The following TLE1 variants were observed in gnomAD, a reference collection of about 807,000 sequenced individuals.
The protein encoded by TLE1 is TLE family member 1, transcriptional corepressor.
A neutral mutation model predicts 89.8 loss-of-function variants in TLE1; 21 were observed. The observed-to-expected ratio is 0.23, with a 90% CI of 0.17 to 0.34. The LOEUF is 0.34. Ranked by LOEUF, TLE1 falls within the 10% of genes least tolerant of loss-of-function variation. The pLI, the probability that TLE1 is intolerant of heterozygous loss-of-function variation, is 1.00. For missense variants in TLE1, 795 were observed against 1,031.2 expected, an observed-to-expected ratio of 0.77 and a Z score of 3.14; for synonymous variants, 447 against 407.6, an observed-to-expected ratio of 1.10 and a Z score of -1.16.
chr9:81,618,854 C>T (rs148585563), intron 9 of TLE1, among the ~76,000 whole-genome samples: 2 of 152,082 alleles, frequency 1.3e-5, no homozygotes. Flanking sequence ...TGTACCGGAC[C>T]CTTCTGCAAA....
chr9:81,661,109 T>A (rs1303970428), intron 4 of TLE1, among the ~76,000 whole-genome samples: 1 of 150,104 alleles, frequency 6.7e-6, no homozygotes, highest in East Asian at 2.0e-4. Flanking sequence ...CCTGGCAGAG[T>A]GAGACTCGGT....
intron 6 of TLE1, among the ~76,000 whole-genome samples, chr9:81,650,070 C>T (rs1023156955): frequency 3.9e-5 from 6 of 152,204 alleles, no homozygotes; most frequent in African/African-American, 1.4e-4. Context: ...CCTGATTCAC[C>T]ACTTTGGTTT....
intron 4 of TLE1, among the ~76,000 whole-genome samples, chr9:81,675,008 A>G (rs1044059232): frequency 4.6e-5 from 7 of 152,178 alleles, no homozygotes; most frequent in African/African-American, 1.7e-4. Flanking sequence ...AAATCAAAAA[A>G]TAAATTTTAA....
chr9:81,589,607 G>C (rs1829183213), intron 16 of TLE1, among the ~76,000 whole-genome samples: 1 of 152,136 alleles, frequency 6.6e-6, no homozygotes, highest in Non-Finnish European at 1.5e-5. Flanking sequence ...CTGACTGTGT[G>C]ACCTGAAGCC....
At chr9:81,588,445 C>G (rs1442107308) in intron 16 of TLE1, among the ~76,000 whole-genome samples, 1 of 152,144 alleles carries the variant, frequency 6.6e-6, no homozygotes, top group African/African-American at 2.4e-5. Flanking sequence ...CAAAGGGTCA[C>G]GCATGCCGGC....
chr9:81,647,978 A>C (rs1050776384), intron 6 of TLE1, among the ~76,000 whole-genome samples: 1 of 152,164 alleles, frequency 6.6e-6, no homozygotes, highest in East Asian at 1.9e-4. Context: ...TTAAAAAAAC[A>C]AGCATCTTTA....
At chr9:81,589,196 A>G (rs1208384236) in intron 16 of TLE1, among the ~76,000 whole-genome samples, 1 of 152,182 alleles carries the variant, frequency 6.6e-6, no homozygotes, top group African/African-American at 2.4e-5. Context: ...CTGGAAATCC[A>G]GTGACCCTCT....
chr9:81,613,655 G>A, intron 11 of TLE1, 134 bp from the exon 12 acceptor site: 2 of 1,003,258 alleles, frequency 2.0e-6, no homozygotes, highest in Non-Finnish European at 1.5e-6. Flanking sequence ...TCCACACAAT[G>A]TTGACAGCAT....
chr9:81,636,903 T>C (rs376990174), intron 6 of TLE1, among the ~76,000 whole-genome samples: 1 of 150,250 alleles, frequency 6.7e-6, no homozygotes, highest in East Asian at 2.0e-4. Context: ...CTGGGGAGGC[T>C]GAGGCAGGAG....
chr9:81,618,903 G>A (rs552314081), intron 9 of TLE1, among the ~76,000 whole-genome samples: 207 of 152,282 alleles, frequency 1.4e-3, no homozygotes, highest in Non-Finnish European at 2.1e-3. Flanking sequence ...TGTCATCAGT[G>A]ATCTAAGGTC....
intron 4 of TLE1, among the ~76,000 whole-genome samples, chr9:81,678,833 C>A (rs1262213071): frequency 6.6e-6 from 1 of 150,464 alleles, no homozygotes; most frequent in African/African-American, 2.5e-5. Flanking sequence ...GAGCAAGACT[C>A]CATCTCAAAG....
At position 81,688,358 on chromosome 9, in the gene TLE1, T is replaced by C. The variant is rs1378597130; in HGVS notation, c.-118A>G. The C allele has an allele frequency of 9.4e-6, 11 of 1,169,508 alleles. No homozygotes were observed. Among genetic ancestry groups the C allele is most frequent in the African/African-American group, 3.3e-5 (2 of 60,854 alleles). 72.4% of individuals were successfully genotyped at this position (1,169,508 alleles called of 1,614,324 possible). A position where few individuals can be genotyped will look rare whatever the true frequency, so the allele number is the denominator to read the frequency against. On this transcript the variant is annotated 5_prime_UTR_variant, in exon 1 of 20. Transcript: ENST00000376499. Reference sequence around the variant, plus strand: ...AGCCAAGCAGAAGCGGGGAGCGCGCTGGCCACGCACGCGCGCTCCGCCGGG... The same window carrying C: ...AGCCAAGCAGAAGCGGGGAGCGCGCCGGCCACGCACGCGCGCTCCGCCGGG...
At chr9:81,595,994 T>TA (rs1204421169) in intron 14 of TLE1, among the ~76,000 whole-genome samples, 1 of 152,090 alleles carries the variant, frequency 6.6e-6, no homozygotes, top group Non-Finnish European at 1.5e-5. Context: ...CGCCTCCAGG[T>TA]AAGGCCAGGT....
chr9:81,596,427 G>C (rs563929434), intron 14 of TLE1, among the ~76,000 whole-genome samples: 2 of 152,210 alleles, frequency 1.3e-5, no homozygotes, highest in South Asian at 4.1e-4. Flanking sequence ...GCCTTTAGGA[G>C]GGATCAACTG....
Position 81,653,957 on chromosome 9 carries a change from T to C in TLE1, c.297+17A>G. ...AGCAACATAATTGCACTTTAACAGC[T>C]GAACAATTTTACTTACTTCCTGAGA... On this transcript the variant is annotated intron_variant, in intron 5 of 19. Transcript: ENST00000376499. The C allele has an allele frequency of 6.2e-7, 1 of 1,612,876 alleles. No individual in the cohort carries two copies. Among genetic ancestry groups the C allele is most frequent in the Non-Finnish European group, 8.5e-7 (1 of 1,179,122 alleles).
At chr9:81,614,432 C>T (rs1399314318) in intron 11 of TLE1, among the ~76,000 whole-genome samples, 2 of 152,176 alleles carry the variant, frequency 1.3e-5, no homozygotes, top group Non-Finnish European at 2.9e-5. Flanking sequence ...AGGGGCCTTT[C>T]GGAGACCAGA....
Position 81,584,451 on chromosome 9 carries a change from G to A in TLE1, c.2202C>T (p.Phe734=), listed in dbSNP as rs1324349337. 1 of 1,614,104 alleles carries A rather than the reference G, an allele frequency of 6.2e-7. No homozygotes were observed. Among genetic ancestry groups the A allele is most frequent in the Admixed American group, 1.7e-5 (1 of 60,016 alleles). The change falls in exon 19 of 20, where the codon TTC becomes TTT. Residue 734 remains phenylalanine, a synonymous_variant. Transcript: ENST00000376499. ...TAGGTGAGGAGTACTTACTCACCTG[G>A]AATATGCTGGCTCCATAGGGGGTCC... ...AWRTPYGASI[F]QSKESSSVLS...
At chr9:81,631,761 A>G (rs971952137) in intron 8 of TLE1, among the ~76,000 whole-genome samples, 2 of 152,226 alleles carry the variant, frequency 1.3e-5, no homozygotes, top group Non-Finnish European at 2.9e-5. Context: ...CTGTGATTTC[A>G]TCCAGGGTTA....
chr9:81,585,645 A>G lies in TLE1; in HGVS notation c.1988T>C (p.Leu663Pro). ...CCACTCCCCGGTGGGGCAGTACCCC[A>G]GGGAGAAGATCTACAAGGAGCAAGA... Reference protein sequence around the residue: ...QHDFTSQIFSLGYCPTGEWLA... With the variant: ...QHDFTSQIFSPGYCPTGEWLA... Residue 663 changes from leucine to proline, a missense_variant, in exon 18 of 20, where the codon CTG (leucine) becomes CCG (proline). By Grantham distance (98) the Leu-to-Pro change is moderately conservative. This residue lies in a region of TLE1 where 214 missense variants were observed against 354.9 expected (regional missense o/e 0.60). Coordinates refer to ENST00000376499, the MANE Select transcript of TLE1 (RefSeq NM_005077.5). The G allele has an allele frequency of 6.2e-7, 1 of 1,614,028 alleles. No individual in the cohort carries two copies. Among genetic ancestry groups the G allele is most frequent in the South Asian group, 1.1e-5 (1 of 91,060 alleles).
Sources: gnomAD v4.1 joint callset for allele counts (sites outside exome capture counted in the v4.1 genomes callset) on GRCh38, gnomAD v4.1.1 for gene constraint, gnomAD v4.1.1 regional missense constraint, MANE v1.5 for transcripts, NCBI Gene and HGNC (gene_info 2026-07-23, HGNC 2026-07-21) for gene names.